Variants in CTSB observed in about 807,000 individuals in gnomAD.
The protein encoded by CTSB is cathepsin B, also known as APP secretase.
In CTSB, 57 loss-of-function variants were observed where a neutral mutation model predicts 44.3. The ratio of observed to expected loss-of-function variants is 1.29; its 90% confidence interval spans 1.04 to 1.60. The LOEUF is 1.60. CTSB is among the 40% of genes most tolerant of loss of function. The probability of loss-of-function intolerance (pLI) is 0.00; values close to 1 mark genes in which losing one functional copy is unlikely to be tolerated. For missense variants in CTSB, 768 were observed against 443.0 expected (o/e 1.73, Z -6.59); for synonymous variants, 320 against 168.0 (o/e 1.91, Z -7.00).
chr8:11,852,599 C>T lies in CTSB; in HGVS notation c.212+11G>A. Reference sequence around the variant, plus strand: ...CTCACATTACAGCGGTGCAGAGGAGCAGGCACTCACCTCTGGGGTGGCTTG... The same window carrying T: ...CTCACATTACAGCGGTGCAGAGGAGTAGGCACTCACCTCTGGGGTGGCTTG... On this transcript the variant is annotated intron_variant, in intron 3 of 9. Transcript: ENST00000353047. 1 of 1,605,484 alleles carries T rather than the reference C, an allele frequency of 6.2e-7. No individual in the cohort carries two copies. Among genetic ancestry groups the T allele is most frequent in the African/African-American group, 1.3e-5 (1 of 74,926 alleles).
chr8:11,852,577 A>C, intron 3 of CTSB, 33 bp downstream of exon 3: 1 of 1,568,534 alleles, frequency 6.4e-7, no homozygotes, highest in South Asian at 1.1e-5. Context: ...CCTGCCACTC[A>C]CATTACAGCG....
At chr8:11,854,233 G>A (rs1484404477) in intron 1 of CTSB, among the ~76,000 whole-genome samples, 4 of 152,212 alleles carry the variant, frequency 2.6e-5, no homozygotes, top group African/African-American at 7.2e-5. Context: ...GCTGGGGAGA[G>A]CCGCGGCGCG....
chr8:11,860,107 G>T (rs917242847), intron 1 of CTSB, among the ~76,000 whole-genome samples: 1 of 152,102 alleles, frequency 6.6e-6, no homozygotes, highest in Non-Finnish European at 1.5e-5. Flanking sequence ...TTTCTTACAT[G>T]GTCACAGAGC....
chr8:11,857,435 C>T (rs1586168041), intron 1 of CTSB, among the ~76,000 whole-genome samples: 1 of 152,154 alleles, frequency 6.6e-6, no homozygotes, highest in South Asian at 2.1e-4. Flanking sequence ...TAGCATGTCT[C>T]GTGGGCAGAC....
rs1142956 is a variant in CTSB at position 11,843,219 on chromosome 8, T to C, written c.*1906A>G. The C allele has an allele frequency of 2.0e-5, 3 of 152,272 alleles. No individual in the cohort carries two copies. The highest frequency in any genetic ancestry group is 4.4e-5 in the Non-Finnish European group (3 of 68,098). The allele number at this position is 152,272 out of a possible 1,614,324, so 9.4% of individuals were successfully genotyped here. A position where few individuals can be genotyped will look rare whatever the true frequency, so the allele number is the denominator to read the frequency against. ...ACCTTGGCCTCCCAAAGTGCTGGGA[T>C]TACAGGCGTGAGCCACGACGGCCGG... is the stretch of plus-strand genomic sequence containing the variant. On this transcript the variant is annotated 3_prime_UTR_variant, in exon 10 of 10. Coordinates refer to ENST00000353047, the MANE Select transcript of CTSB (RefSeq NM_001908.5).
intron 1 of CTSB, among the ~76,000 whole-genome samples, chr8:11,863,528 C>A (rs1464805358): frequency 6.6e-6 from 1 of 152,084 alleles, no homozygotes; most frequent in Non-Finnish European, 1.5e-5. Flanking sequence ...AAGTGTCACT[C>A]AACCCATTTA....
intron 5 of CTSB, 42 bp from the exon 6 acceptor site, chr8:11,848,194 C>T (rs1813811414): frequency 6.5e-7 from 1 of 1,543,408 alleles, no homozygotes; most frequent in Non-Finnish European, 9.0e-7. Flanking sequence ...AGAGAAGCAC[C>T]ACCAGCTCTC....
chr8:11,853,538 A>AC, intron 1 of CTSB, 59 bp from the exon 2 acceptor site: 1 of 1,511,358 alleles, frequency 6.6e-7, no homozygotes. Flanking sequence ...GGGCTCACAC[A>AC]CACAGGGGCA....
chr8:11,850,576 G>C (rs1293026898), intron 4 of CTSB: 1 of 280,490 alleles, frequency 3.6e-6, no homozygotes, highest in African/African-American at 2.1e-5. Context: ...GAGTAGCAGT[G>C]AGAGCTCCTG....
intron 1 of CTSB, among the ~76,000 whole-genome samples, chr8:11,855,745 T>A (rs1326014157): frequency 6.6e-6 from 1 of 152,012 alleles, no homozygotes; most frequent in Non-Finnish European, 1.5e-5. Context: ...TCAACCGGCA[T>A]GGTGGCTCAA....
At chr8:11,847,651 C>G in intron 7 of CTSB, 28 bp downstream of exon 7, 1 of 1,506,072 alleles carries the variant, frequency 6.6e-7, no homozygotes, top group Non-Finnish European at 8.8e-7. Context: ...CCTCCACGTG[C>G]GCCGTGGCCA....
chr8:11,851,887 G>C (rs753272462), intron 3 of CTSB, among the ~76,000 whole-genome samples: 1 of 151,180 alleles, frequency 6.6e-6, no homozygotes, highest in Non-Finnish European at 1.5e-5. Flanking sequence ...GACTGGTCTC[G>C]AACTCCTGAC....
At chr8:11,864,844 G>T (rs1324290585) in intron 1 of CTSB, among the ~76,000 whole-genome samples, 2 of 151,686 alleles carry the variant, frequency 1.3e-5, no homozygotes, top group Non-Finnish European at 2.9e-5. Context: ...AACCTGGGAG[G>T]TGAGGTTGCA....
chr8:11,861,915 G>T (rs1419923953), intron 1 of CTSB, among the ~76,000 whole-genome samples: 29 of 152,236 alleles, frequency 1.9e-4, no homozygotes, highest in Admixed American at 1.9e-3. Flanking sequence ...CCACAGAAAG[G>T]CCTAGCTCTG....
chr8:11,864,438 C>G (rs1290616581), intron 1 of CTSB: 4 of 151,776 alleles, frequency 2.6e-5, no homozygotes, highest in Non-Finnish European at 5.9e-5. Flanking sequence ...CTGCCGTGAG[C>G]CGTGGTCGCA....
chr8:11,858,156 G>A (rs1218220458), intron 1 of CTSB, among the ~76,000 whole-genome samples: 1 of 152,234 alleles, frequency 6.6e-6, no homozygotes, highest in Non-Finnish European at 1.5e-5. Context: ...CTGGCATGCA[G>A]TGATAAGGTA....
At chr8:11,866,782 T>C (rs1299662087) in intron 1 of CTSB, among the ~76,000 whole-genome samples, 1 of 152,062 alleles carries the variant, frequency 6.6e-6, no homozygotes, top group African/African-American at 2.4e-5. Context: ...ATAGCTTGAA[T>C]TTGGGAGGCG....
intron 8 of CTSB, chr8:11,846,523 A>T (rs1813375100): frequency 6.5e-6 from 1 of 152,978 alleles, no homozygotes. Context: ...GGGGATGGGG[A>T]CTGTCCAGAT....
chr8:11,851,615 C>T (rs1814614471), intron 3 of CTSB, among the ~76,000 whole-genome samples: 1 of 152,164 alleles, frequency 6.6e-6, no homozygotes, highest in Non-Finnish European at 1.5e-5. Context: ...TCTTGCCCTG[C>T]TCTCCTGCCT....
Sources: allele counts gnomAD v4.1 joint callset (sites outside exome capture counted in the v4.1 genomes callset), GRCh38; gene constraint gnomAD v4.1.1; transcripts MANE v1.5; gene names NCBI Gene and HGNC (gene_info 2026-07-23, HGNC 2026-07-21).